The following ENPEP variants were observed in gnomAD, a reference collection of about 807,000 sequenced individuals.
ENPEP encodes glutamyl aminopeptidase, also known as AP-A.
ENPEP carries 103 observed loss-of-function variants against 114.5 expected under a neutral mutation model. The observed-to-expected ratio is 0.90, with a 90% CI of 0.77 to 1.06. The LOEUF (loss-of-function observed/expected upper bound fraction) is 1.06. Among genes scored for constraint, ENPEP ranks in the 50% least tolerant of loss-of-function variants. The pLI is 0.00. For synonymous variants in ENPEP, 420 were observed against 422.0 expected (o/e 1.00, Z 0.06); for missense variants, 1,196 against 1,161.3 (o/e 1.03, Z -0.43).
chr4:110,529,882 T>A (rs1457348333), intron 10 of ENPEP, among the ~76,000 whole-genome samples: 5 of 151,686 alleles, frequency 3.3e-5, no homozygotes, highest in South Asian at 2.1e-4. Flanking sequence ...GAGACCAACC[T>A]GGCCAACATA....
chr4:110,531,829 G>A (rs948909054), intron 11 of ENPEP, among the ~76,000 whole-genome samples: 1 of 152,024 alleles, frequency 6.6e-6, no homozygotes, highest in Non-Finnish European at 1.5e-5. Flanking sequence ...CTGCAATCTT[G>A]GAAAGAATCC....
chr4:110,490,339 G>A (rs1215174277), intron 2 of ENPEP, among the ~76,000 whole-genome samples: 7 of 152,114 alleles, frequency 4.6e-5, no homozygotes, highest in Non-Finnish European at 7.3e-5. Context: ...AGCCTCCCTC[G>A]CTTAATCTCT....
intron 13 of ENPEP, among the ~76,000 whole-genome samples, chr4:110,546,423 G>A (rs1011797777): frequency 3.9e-5 from 6 of 151,922 alleles, no homozygotes; most frequent in Admixed American, 1.3e-4. Context: ...CCAGGAGAGG[G>A]TGGGTAATAA....
rs1314228581 is a variant in ENPEP, at chr4:110,561,623, CT to C, written c.*66del. ...TTTCTCCTCTGAAGCATTTGGTGGCCTAATTTACAAGCACGATGGAGAGAGC... is the reference window on the plus strand; with the variant it reads ...TTTCTCCTCTGAAGCATTTGGTGGCCAATTTACAAGCACGATGGAGAGAGC... On this transcript the variant is annotated 3_prime_UTR_variant, in exon 20 of 20. Transcript: ENST00000265162. 3 of 1,506,232 alleles carry C rather than the reference CT, an allele frequency of 2.0e-6. No individual in the cohort carries two copies. In the Admixed American group the frequency reaches 6.0e-5, roughly 30 times the overall value. The allele number at this position is 1,506,232 out of a possible 1,614,324, so 93.3% of individuals were successfully genotyped here. A position where few individuals can be genotyped will look rare whatever the true frequency, so the allele number is the denominator to read the frequency against.
intron 3 of ENPEP, among the ~76,000 whole-genome samples, chr4:110,493,981 A>G (rs1383557846): frequency 6.6e-6 from 1 of 152,260 alleles, no homozygotes; most frequent in Non-Finnish European, 1.5e-5. Flanking sequence ...GTAAATAGTG[A>G]TAACTGGAGA....
intron 15 of ENPEP, 33 bp from the exon 16 acceptor site, chr4:110,549,495 A>C: frequency 1.2e-6 from 2 of 1,612,586 alleles, no homozygotes; most frequent in Non-Finnish European, 1.7e-6. Flanking sequence ...AAAGTGCTTA[A>C]GGCCCTGGAT....
chr4:110,502,594 A>C (rs988664169), intron 3 of ENPEP, among the ~76,000 whole-genome samples: 1 of 152,006 alleles, frequency 6.6e-6, no homozygotes, highest in Non-Finnish European at 1.5e-5. Context: ...GGTGTATGGC[A>C]TTATTTCTGG....
At position 110,549,788 on chromosome 4, in the gene ENPEP, C is replaced by T; in HGVS notation, c.2403C>T (p.Asn801=). The T allele has an allele frequency of 6.2e-7, 1 of 1,608,684 alleles. No homozygotes were observed. The highest frequency in any genetic ancestry group is 8.5e-7 in the Non-Finnish European group (1 of 1,175,358). Reference sequence around the variant, plus strand: ...ACTCTGGCAATGAGATTTCATGGAACTACACTCTTGAGCAATACCAGAAAA... The same window carrying T: ...ACTCTGGCAATGAGATTTCATGGAATTACACTCTTGAGCAATACCAGAAAA... ...MQNSGNEISW[N]YTLEQYQKTS... The change falls in exon 17 of 20, where the codon AAC becomes AAT. Residue 801 remains asparagine (N), a synonymous_variant. Transcript: ENST00000265162.
At chr4:110,555,726 T>C (rs1486504825) in intron 18 of ENPEP, among the ~76,000 whole-genome samples, 1 of 152,054 alleles carries the variant, frequency 6.6e-6, no homozygotes. Context: ...AACCAAACAA[T>C]TTAATAAGCA....
At chr4:110,477,620 G>C (rs1467322446) in intron 1 of ENPEP, among the ~76,000 whole-genome samples, 1 of 152,062 alleles carries the variant, frequency 6.6e-6, no homozygotes, top group Non-Finnish European at 1.5e-5. Context: ...AGACAGGACT[G>C]TGTTTTTTTC....
intron 1 of ENPEP, among the ~76,000 whole-genome samples, chr4:110,477,401 A>C (rs1724152982): frequency 1.3e-5 from 2 of 152,206 alleles, no homozygotes; most frequent in South Asian, 4.1e-4. Context: ...TTCACTAGTG[A>C]TATTCCCAGG....
chr4:110,514,537 G>C (rs1173710187), intron 7 of ENPEP, among the ~76,000 whole-genome samples: 1 of 151,928 alleles, frequency 6.6e-6, no homozygotes, highest in Non-Finnish European at 1.5e-5. Flanking sequence ...CATGGGAGAA[G>C]TTTAAATTTA....
intron 3 of ENPEP, among the ~76,000 whole-genome samples, chr4:110,493,589 C>T (rs999243647): frequency 1.1e-4 from 16 of 152,058 alleles, no homozygotes; most frequent in Admixed American, 3.3e-4. Flanking sequence ...ACAGTGGGGC[C>T]GTTTCCTTTA....
rs565886403 is a variant in ENPEP at position 110,555,519 on chromosome 4, C to T, written c.2642+2064C>T. Among the ~76,000 whole-genome samples, 3 of 152,050 alleles carry T rather than the reference C, an allele frequency of 2.0e-5. No individual in the cohort carries two copies. The East Asian group carries it at 5.8e-4, about 29-fold the overall frequency. The stretch of plus-strand genomic sequence containing the variant: ...ATGGCCACACTGCTAATGTCCTTGC[C>T]AGTTTGAGACTTAGCCACAAAGTCC... On this transcript the variant is annotated intron_variant, in intron 18 of 19. Transcript: ENST00000265162.
intron 1 of ENPEP, among the ~76,000 whole-genome samples, chr4:110,478,820 TTTGAG>T (rs1724207016): frequency 6.6e-6 from 1 of 152,256 alleles, no homozygotes; most frequent in Non-Finnish European, 1.5e-5. Flanking sequence ...TTGTTGAGCA[TTTGAG>T]TTGTTTCTAG....
chr4:110,510,337 T>C lies in ENPEP; in HGVS notation c.1287T>C (p.His429=), dbSNP rs1387915852. The C allele has an allele frequency of 1.9e-6, 3 of 1,614,124 alleles. No individual in the cohort carries two copies. The highest frequency in any genetic ancestry group is 1.7e-5 in the Admixed American group (1 of 60,024). ...TCTTTGAGTTTCTGGGAGTAAACCA[T>C]GCAGAAACAGACTGGCAAATGGTGA... The part of the protein sequence containing the change: ...ASFFEFLGVN[H]AETDWQMRDQ... The change falls in exon 6 of 20, where the codon CAT becomes CAC. Residue 429 remains histidine (H), a synonymous_variant. Transcript: ENST00000265162.
intron 3 of ENPEP, among the ~76,000 whole-genome samples, chr4:110,498,578 G>T (rs1725033707): frequency 1.3e-5 from 2 of 152,096 alleles, no homozygotes; most frequent in Non-Finnish European, 2.9e-5. Flanking sequence ...TGAATGTATG[G>T]TCACCTCTAT....
In ENPEP at chr4:110,553,234, A is replaced by G. The variant is rs1417668008; in HGVS notation, c.2502-81A>G. On this transcript the variant is annotated intron_variant, in intron 17 of 19. Transcript: ENST00000265162. ...CTCAAGAATTGAATTGCTGGCATGA[A>G]AACTATTTTGTATTGGAATTTAGCT... 7 of 1,298,308 alleles carry G rather than the reference A, an allele frequency of 5.4e-6. 1 individual carries two copies. Among genetic ancestry groups the G allele is most frequent in the Non-Finnish European group, 7.2e-6 (7 of 965,692 alleles). 80.4% of individuals were successfully genotyped at this position (1,298,308 alleles called of 1,614,324 possible).
chr4:110,501,310 G>A (rs1193313833), intron 3 of ENPEP, among the ~76,000 whole-genome samples: 1 of 151,988 alleles, frequency 6.6e-6, no homozygotes. Context: ...TTAGGTTCAG[G>A]GGTATATGTA....
Sources: gnomAD v4.1 joint callset for allele counts (sites outside exome capture counted in the v4.1 genomes callset) on GRCh38, gnomAD v4.1.1 for gene constraint, MANE v1.5 for transcripts, NCBI Gene and HGNC (gene_info 2026-07-23, HGNC 2026-07-21) for gene names.